Variants in LRRK2 observed in about 807,000 individuals in gnomAD.
LRRK2 encodes leucine rich repeat kinase 2.
LRRK2 carries 203 observed loss-of-function variants against 302.6 expected under a neutral mutation model. The observed-to-expected ratio is 0.67, with a 90% confidence interval of 0.60 to 0.75. LRRK2 has a LOEUF of 0.75. Ranked by LOEUF, LRRK2 falls within the 30% of genes least tolerant of loss-of-function variation. The probability of loss-of-function intolerance (pLI) is 0.00; values close to 1 mark genes in which losing one functional copy is unlikely to be tolerated. For synonymous variants in LRRK2, 1,066 were observed against 1,031.9 expected, an observed-to-expected ratio of 1.03 and a Z score of -0.63; for missense variants, 2,830 against 2,951.0, an observed-to-expected ratio of 0.96 and a Z score of 0.95.
intron 5 of LRRK2, among the ~76,000 whole-genome samples, chr12:40,239,639 C>G (rs940455636): frequency 1.3e-5 from 2 of 152,014 alleles, no homozygotes; most frequent in Non-Finnish European, 2.9e-5. Context: ...ATCAGGTTCT[C>G]CAGGACTCAG....
At position 40,225,660 on chromosome 12, in the gene LRRK2, T is replaced by A. The variant is rs201200707; in HGVS notation, c.237+20T>A. On this transcript the variant is annotated intron_variant, in intron 2 of 50. Coordinates refer to ENST00000298910, the MANE Select transcript of LRRK2 (RefSeq NM_198578.4). ...CAGCAGGTAAAGGCATTGTTTTCAC[T>A]TCAACTCATTCTCCCTTCTGTTTGG... The A allele has an allele frequency of 1.1e-5, 18 of 1,581,282 alleles. No individual in the cohort carries two copies. Among genetic ancestry groups the A allele is most frequent in the East Asian group, 2.2e-5 (1 of 44,672 alleles).
At chr12:40,322,560 T>TA (rs769336368) in intron 37 of LRRK2, 50 bp downstream of exon 37, 4 of 1,487,354 alleles carry the variant, frequency 2.7e-6, no homozygotes, top group Middle Eastern at 2.0e-4. Context: ...CTTCAATACT[T>TA]ATGAAGTGAC....
intron 25 of LRRK2, among the ~76,000 whole-genome samples, chr12:40,300,103 A>T (rs978677096): frequency 6.6e-6 from 1 of 152,150 alleles, no homozygotes; most frequent in Non-Finnish European, 1.5e-5. Context: ...TTTCTTCAGC[A>T]ACTTTTTGTA....
At chr12:40,276,827 C>T (rs571221885) in intron 16 of LRRK2, among the ~76,000 whole-genome samples, 83 of 151,936 alleles carry the variant, frequency 5.5e-4, no homozygotes, top group African/African-American at 1.8e-3. Context: ...ATTTAGATGA[C>T]GTAAGTTAAT....
intron 19 of LRRK2, 66 bp downstream of exon 19, chr12:40,284,199 C>T: frequency 1.4e-6 from 2 of 1,390,342 alleles, no homozygotes; most frequent in Non-Finnish European, 2.0e-6. Context: ...AGTCACTAGT[C>T]TTTTAGTGGT....
chr12:40,251,435 G>A lies in LRRK2; in HGVS notation c.1102-30G>A, dbSNP rs541749121. The A allele has an allele frequency of 3.7e-6, 6 of 1,611,744 alleles. No homozygotes were observed. In the East Asian group the frequency reaches 1.1e-4, roughly 30 times the overall value. ...TATGTTTTCCAGTCATTTATATTTT[G>A]ACAGATTTCTTTTTTCTCCCCTAAT... On this transcript the variant is annotated intron_variant, in intron 9 of 50. Transcript: ENST00000298910.
chr12:40,235,676 T>C lies in LRRK2; in HGVS notation c.398T>C (p.Val133Ala). 6.2e-7 allele frequency: 1 copy of C among 1,609,288 alleles called. No individual in the cohort carries two copies. Among genetic ancestry groups the C allele is most frequent in the Non-Finnish European group, 8.5e-7 (1 of 1,175,724 alleles). ...TVHNASVNLSVIGLKTLDLLL... is the reference protein window; with the variant it reads ...TVHNASVNLSAIGLKTLDLLL... ...CATAATGCCAGTGTAAACTTGTCAG[T>C]GATTGGACTGAAGACCTTAGATCTC... The change falls in exon 4 of 51, where the codon GTG becomes GCG. Residue 133 changes from valine to alanine, a missense_variant. Transcript: ENST00000298910.
intron 46 of LRRK2, among the ~76,000 whole-genome samples, chr12:40,359,002 T>G (rs776347608): frequency 4.6e-5 from 5 of 108,672 alleles, no homozygotes; most frequent in African/African-American, 1.5e-4. Flanking sequence ...GATTGCTTTC[T>G]TGATTTTTCA....
At chr12:40,347,837 C>A (rs889596423) in intron 42 of LRRK2, among the ~76,000 whole-genome samples, 1 of 152,054 alleles carries the variant, frequency 6.6e-6, no homozygotes, top group African/African-American at 2.4e-5. Context: ...GTGGCATGTG[C>A]GTGTAGTCCC....
Position 40,277,868 on chromosome 12 carries a change from T to A in LRRK2, c.1942-20T>A, listed in dbSNP as rs748115815. On this transcript the variant is annotated intron_variant, in intron 16 of 50. Coordinates refer to ENST00000298910, the MANE Select transcript of LRRK2 (RefSeq NM_198578.4). ...TGCCTGTAATTGCTTATTTTATTAT[T>A]TTTTTTCTTATACTTTTAGGGATTT... The A allele has an allele frequency of 7.0e-6, 11 of 1,572,004 alleles. No homozygotes were observed. In the Admixed American group the frequency reaches 1.9e-4, roughly 28 times the overall value.
chr12:40,330,430 T>G (rs1190274167), intron 39 of LRRK2, among the ~76,000 whole-genome samples: 1 of 150,918 alleles, frequency 6.6e-6, no homozygotes, highest in Non-Finnish European at 1.5e-5. Flanking sequence ...ACCTTTAATT[T>G]CATTTTGAAA....
chr12:40,319,962 G>A (rs200436035), intron 33 of LRRK2, 26 bp from the exon 34 acceptor site: 18 of 1,589,638 alleles, frequency 1.1e-5, no homozygotes, highest in East Asian at 2.2e-5. Flanking sequence ...AAATTTTAGT[G>A]ATTATTTATG....
chr12:40,326,370 T>G lies in LRRK2; in HGVS notation c.5657-1990T>G, dbSNP rs373446072. On this transcript the variant is annotated intron_variant, in intron 38 of 50. Coordinates refer to ENST00000298910, the MANE Select transcript of LRRK2 (RefSeq NM_198578.4). ...AGTCCCAGCTACTCGGGAGGCTGAG[T>G]CAGGAAAATGGCATGAACCTGGGAG... Among the ~76,000 whole-genome samples the G allele has an allele frequency of 6.3e-4, 93 of 148,528 alleles. 1 individual carries two copies. Among genetic ancestry groups the G allele is most frequent in the East Asian group, 4.2e-3 (21 of 5,016 alleles).
intron 23 of LRRK2, 136 bp downstream of exon 23, chr12:40,295,780 T>C: frequency 1.3e-6 from 1 of 774,214 alleles, no homozygotes; most frequent in Non-Finnish European, 2.1e-6. Flanking sequence ...GTGCCTCTGG[T>C]TTTTGCACAC....
chr12:40,350,380 C>G (rs369678132), intron 43 of LRRK2, among the ~76,000 whole-genome samples: 1 of 152,194 alleles, frequency 6.6e-6, no homozygotes, highest in South Asian at 2.1e-4. Context: ...ACTGTGATTT[C>G]GGCCTGATAA....
intron 14 of LRRK2, among the ~76,000 whole-genome samples, chr12:40,266,169 A>C (rs1049958365): frequency 5.3e-5 from 8 of 152,160 alleles, no homozygotes; most frequent in African/African-American, 1.9e-4. Context: ...AATTAAACTA[A>C]AGAGCTTCTG....
intron 7 of LRRK2, 24 bp from the exon 8 acceptor site, chr12:40,249,802 G>T (rs750753846): frequency 6.2e-7 from 1 of 1,612,248 alleles, no homozygotes; most frequent in African/African-American, 1.3e-5. Flanking sequence ...TGAGAATTCA[G>T]CTAATGTTTC....
chr12:40,268,466 G>T (rs528476612), intron 14 of LRRK2, among the ~76,000 whole-genome samples: 2 of 152,090 alleles, frequency 1.3e-5, no homozygotes, highest in African/African-American at 2.4e-5. Context: ...TTTAAAAAAG[G>T]TTTACAGGAT....
intron 49 of LRRK2, chr12:40,366,663 AC>A: frequency 3.7e-6 from 1 of 273,718 alleles, no homozygotes; most frequent in Non-Finnish European, 7.1e-6. Context: ...TCATATTTGT[AC>A]CTTACCATAT....
Sources: allele counts gnomAD v4.1 joint callset (sites outside exome capture counted in the v4.1 genomes callset), GRCh38; gene constraint gnomAD v4.1.1; transcripts MANE v1.5; gene names NCBI Gene and HGNC (gene_info 2026-07-23, HGNC 2026-07-21).